STARD13: variants seen among roughly 807,000 people sequenced by gnomAD.
The protein encoded by STARD13 is StAR related lipid transfer domain containing 13, also known as stAR-related lipid transfer protein 13.
Under a neutral mutation model 106.4 loss-of-function variants are expected in STARD13, and 62 were observed. The ratio of observed to expected loss-of-function variants is 0.58; its 90% CI spans 0.48 to 0.72. The LOEUF is 0.72. STARD13 is among the 30% of genes least tolerant of loss of function. The pLI is 0.00. For missense variants in STARD13, 1,387 were observed against 1,424.0 expected (o/e 0.97, Z 0.42); for synonymous variants, 565 against 553.0 (o/e 1.02, Z -0.31).
At chr13:33,201,163 C>A (rs1371329892) in intron 1 of STARD13, among the ~76,000 whole-genome samples, 2 of 152,148 alleles carry the variant, frequency 1.3e-5, no homozygotes, top group Non-Finnish European at 2.9e-5. Flanking sequence ...AATGTTCCTG[C>A]CCACTAGCAA....
chr13:33,299,538 T>A (rs4943092), intron 1 of STARD13, among the ~76,000 whole-genome samples: 146,349 of 152,168 alleles, frequency 0.96, 70,635 homozygotes, highest in East Asian at 1. Context: ...AAGCCAAACA[T>A]AATGAAACAC....
chr13:33,418,196 G>A, the STARD13 span, among the ~76,000 whole-genome samples: 11,158 of 152,260 alleles, frequency 0.073, 904 homozygotes, highest in East Asian at 0.3. Context: ...AAGAGAAGCC[G>A]TGACAGACTG....
intron 4 of STARD13, among the ~76,000 whole-genome samples, chr13:33,136,899 G>A (rs1212018105): frequency 6.6e-6 from 1 of 152,230 alleles, no homozygotes; most frequent in African/African-American, 2.4e-5. Flanking sequence ...GCGCCAAGAA[G>A]CAGCAGCAGG....
At chr13:33,318,543 T>C (rs1367204015) in intron 1 of STARD13, among the ~76,000 whole-genome samples, 1 of 151,968 alleles carries the variant, frequency 6.6e-6, no homozygotes, top group Non-Finnish European at 1.5e-5. Context: ...TGTAAAGCAA[T>C]AAGCAATCAA....
rs201721373 is a variant in STARD13 at position 33,177,768 on chromosome 13, A to AAAGGAAGGAAGGAAGG, written c.170-10162_170-10147dup. Among the ~76,000 whole-genome samples, 2 of 50,666 alleles carry AAAGGAAGGAAGGAAGG rather than the reference A, an allele frequency of 3.9e-5. 1 individual carries two copies. The highest frequency in any genetic ancestry group is 1.8e-4 in the African/African-American group (2 of 11,198). The allele number at this position is 50,666 out of a possible 152,430, so 33.2% of individuals were successfully genotyped here. On this transcript the variant is annotated intron_variant, in intron 1 of 13. Transcript: ENST00000336934. Reference sequence around the variant, plus strand: ...GAAGGAAAAAAGGAAGGAAGGAAGGAAAGGAAGGAAGGAAGGAAGGAAGGA... The same window carrying AAAGGAAGGAAGGAAGG: ...GAAGGAAAAAAGGAAGGAAGGAAGGAAAGGAAGGAAGGAAGGAAGGAAGGAAGGAAGGAAGGAAGGA...
chr13:33,434,220 G>T, the STARD13 span, among the ~76,000 whole-genome samples: 1 of 151,916 alleles, frequency 6.6e-6, no homozygotes, highest in Admixed American at 6.6e-5. Flanking sequence ...GGGCATGGTG[G>T]TGTGCACCTG....
chr13:33,389,644 T>G, the STARD13 span, among the ~76,000 whole-genome samples: 1 of 152,190 alleles, frequency 6.6e-6, no homozygotes, highest in Non-Finnish European at 1.5e-5. Flanking sequence ...ATTCTTATAG[T>G]CACATTGTTC....
At chr13:33,383,185 G>C in the STARD13 span, among the ~76,000 whole-genome samples, 1 of 152,170 alleles carries the variant, frequency 6.6e-6, no homozygotes, top group Non-Finnish European at 1.5e-5. Flanking sequence ...CACATGGGTA[G>C]CGTATGCTTC....
At chr13:33,663,660 G>A in the STARD13 span, among the ~76,000 whole-genome samples, 2 of 152,098 alleles carry the variant, frequency 1.3e-5, no homozygotes, top group East Asian at 1.9e-4. Flanking sequence ...GACTATAAGG[G>A]AATTTTACTT....
the STARD13 span, among the ~76,000 whole-genome samples, chr13:33,453,371 G>A: frequency 0.063 from 9,523 of 152,282 alleles, 387 homozygotes; most frequent in East Asian, 0.14. Flanking sequence ...AATGTCAGAT[G>A]TTGGATGGTC....
the STARD13 span, among the ~76,000 whole-genome samples, chr13:33,450,493 T>A: frequency 6.6e-6 from 1 of 152,218 alleles, no homozygotes; most frequent in African/African-American, 2.4e-5. Flanking sequence ...GATTTTTGTA[T>A]CTGTGTTCAT....
chr13:33,670,051 T>C, the STARD13 span, among the ~76,000 whole-genome samples: 2 of 152,138 alleles, frequency 1.3e-5, no homozygotes, highest in Non-Finnish European at 2.9e-5. Context: ...GTGGGAAGTG[T>C]TGGAATCACC....
chr13:33,378,392 T>C, the STARD13 span, among the ~76,000 whole-genome samples: 2 of 152,312 alleles, frequency 1.3e-5, no homozygotes, highest in Admixed American at 1.3e-4. Context: ...TAGTCTTACC[T>C]TCCAAGGCCC....
At chr13:33,516,884 T>C in the STARD13 span, among the ~76,000 whole-genome samples, 3 of 147,772 alleles carry the variant, frequency 2.0e-5, no homozygotes, top group Non-Finnish European at 3.0e-5. Flanking sequence ...GAGGTTGTAG[T>C]GAGCTATGAT....
the STARD13 span, among the ~76,000 whole-genome samples, chr13:33,614,327 T>A: frequency 2.7e-5 from 4 of 148,052 alleles, no homozygotes; most frequent in Non-Finnish European, 6.0e-5. Flanking sequence ...GAGTCTTTCC[T>A]ACTGTCTGTG....
chr13:33,186,718 GA>G (rs1381524117), intron 1 of STARD13, among the ~76,000 whole-genome samples: 6 of 151,912 alleles, frequency 3.9e-5, no homozygotes, highest in African/African-American at 1.5e-4. Flanking sequence ...ACACAATAAT[GA>G]AATCAGCAAA....
chr13:33,500,148 C>G, the STARD13 span, among the ~76,000 whole-genome samples: 1 of 152,092 alleles, frequency 6.6e-6, no homozygotes, highest in South Asian at 2.1e-4. Context: ...CAAATACCAT[C>G]ACATTGTGGG....
chr13:33,515,910 G>C, the STARD13 span, among the ~76,000 whole-genome samples: 1 of 151,872 alleles, frequency 6.6e-6, no homozygotes, highest in Admixed American at 6.6e-5. Context: ...TGCCCACCTG[G>C]GGAGCAAGTT....
chr13:33,172,066 T>C (rs571543057), intron 1 of STARD13, among the ~76,000 whole-genome samples: 1 of 152,320 alleles, frequency 6.6e-6, no homozygotes, highest in East Asian at 1.9e-4. Context: ...AACTTCCTAA[T>C]AGAGAAAGTC....
Sources: gnomAD v4.1 joint callset for allele counts (sites outside exome capture counted in the v4.1 genomes callset) on GRCh38, gnomAD v4.1.1 for gene constraint, MANE v1.5 for transcripts, NCBI Gene and HGNC (gene_info 2026-07-23, HGNC 2026-07-21) for gene names.